MAPK6: variants seen among roughly 807,000 people sequenced by gnomAD.
MAPK6 encodes ERK-3.
In MAPK6, 19 loss-of-function variants were observed where a neutral mutation model predicts 59.3. That is an observed-to-expected ratio of 0.32 (90% CI 0.22 to 0.47). MAPK6 has a LOEUF of 0.47. Ranked by LOEUF, MAPK6 falls within the 20% of genes least tolerant of loss-of-function variation. The probability of loss-of-function intolerance (pLI) is 1.00; values close to 1 mark genes in which losing one functional copy is unlikely to be tolerated. For synonymous variants in MAPK6, 316 were observed against 290.3 expected (o/e 1.09, Z -0.90); for missense variants, 724 against 847.9 (o/e 0.85, Z 1.81).
chr15:52,000,706 T>C (rs756379045), intron 2 of MAPK6, among the ~76,000 whole-genome samples: 1 of 151,206 alleles, frequency 6.6e-6, no homozygotes, highest in Non-Finnish European at 1.5e-5. Context: ...CTGGGGAGGC[T>C]GAGGAAGGGG....
intron 2 of MAPK6, among the ~76,000 whole-genome samples, chr15:51,997,590 C>CTT (rs747963086): frequency 2.5e-4 from 34 of 135,060 alleles, no homozygotes; most frequent in African/African-American, 5.8e-4. Flanking sequence ...TTCTTTCTTT[C>CTT]TTTTTTTTTT....
chr15:51,971,849 C>T (rs1488702734), exon 1 of MAPK6: 7 of 1,243,746 alleles, frequency 5.6e-6, no homozygotes, highest in African/African-American at 2.9e-5. Context: ...TCGCCGAAGA[C>T]ACTCCTTTCC....
At chr15:51,979,250 A>G (rs979967859) in intron 1 of MAPK6, among the ~76,000 whole-genome samples, 2 of 151,438 alleles carry the variant, frequency 1.3e-5, no homozygotes, top group Non-Finnish European at 2.9e-5. Context: ...AAGGAAGGAA[A>G]GAAAGAGAAA....
chr15:51,982,663 T>C (rs2057178118), intron 1 of MAPK6, among the ~76,000 whole-genome samples: 1 of 152,200 alleles, frequency 6.6e-6, no homozygotes, highest in Admixed American at 6.5e-5. Context: ...GCAGTGTTTT[T>C]TCGTGTTTTT....
In MAPK6 at chr15:52,019,286, A is replaced by C. The variant is rs906150757; in HGVS notation, c.-722A>C. 2 of 151,560 alleles carry C rather than the reference A, an allele frequency of 1.3e-5. No individual in the cohort carries two copies. Among genetic ancestry groups the C allele is most frequent in the African/African-American group, 4.9e-5 (2 of 41,180 alleles). The allele number at this position is 151,560 out of a possible 1,614,324, so 9.4% of individuals were successfully genotyped here. A position where few individuals can be genotyped will look rare whatever the true frequency, so the allele number is the denominator to read the frequency against. ...CTGCGGCAAAGCGAGAGCCTCGGAGACGCCGCTGCCGCCAGCACAGCCGGA... is the reference window on the plus strand; with the variant it reads ...CTGCGGCAAAGCGAGAGCCTCGGAGCCGCCGCTGCCGCCAGCACAGCCGGA... On this transcript the variant is annotated 5_prime_UTR_variant, in exon 1 of 6. Coordinates refer to ENST00000261845, the MANE Select transcript of MAPK6 (RefSeq NM_002748.4).
rs946503032 is a variant in MAPK6, at chr15:51,991,323, T to A, written c.-770+8008T>A. ...TACTAATATAACCCGAGGCATCATG[T>A]TGGCAAAAAGACAAACACCTTCACT... is the stretch of plus-strand genomic sequence containing the variant. On this transcript the variant is annotated intron_variant, in intron 2 of 7. Coordinates refer to the MAPK6 transcript ENST00000691380. Among the ~76,000 whole-genome samples, 40 of 152,082 alleles carry A rather than the reference T, an allele frequency of 2.6e-4. 1 individual carries two copies. Among genetic ancestry groups the A allele is most frequent in the African/African-American group, 9.7e-4 (40 of 41,412 alleles).
chr15:52,061,299 C>T lies in MAPK6; in HGVS notation c.866C>T (p.Ala289Val), dbSNP rs2032188193. ...AAAACTTTTACCTTTTCCTCTGCAGCACTGGATTTCCTGGAACAAATTTTG... is the reference window on the plus strand; with the variant it reads ...AAAACTTTTACCTTTTCCTCTGCAGTACTGGATTTCCTGGAACAAATTTTG... ...TQLLPGISRE[A>V]LDFLEQILTF... The change falls in exon 5 of 6, where the codon GCA becomes GTA. Residue 289 changes from alanine (A) to valine (V), a missense_variant and splice_region_variant. Physicochemically the swap from Ala to Val is moderately conservative, Grantham distance 64. Coordinates refer to ENST00000261845, the MANE Select transcript of MAPK6 (RefSeq NM_002748.4). The T allele has an allele frequency of 6.2e-7, 1 of 1,612,918 alleles. No homozygotes were observed. The highest frequency in any genetic ancestry group is 8.5e-7 in the Non-Finnish European group (1 of 1,178,966).
intron 2 of MAPK6, among the ~76,000 whole-genome samples, 178 bp downstream of exon 2, chr15:52,047,193 A>T (rs1413285358): frequency 2.0e-5 from 3 of 152,228 alleles, no homozygotes; most frequent in African/African-American, 7.2e-5. Flanking sequence ...GGATAATTAA[A>T]TACAAATTTC....
intron 1 of MAPK6, among the ~76,000 whole-genome samples, chr15:51,979,722 G>T (rs1022548910): frequency 2.0e-5 from 3 of 151,726 alleles, no homozygotes; most frequent in Non-Finnish European, 4.4e-5. Flanking sequence ...GAGCCTGGGA[G>T]GTCGAGAGTA....
chr15:52,026,461 TTA>T (rs1488539803), intron 1 of MAPK6, among the ~76,000 whole-genome samples: 1 of 152,070 alleles, frequency 6.6e-6, no homozygotes, highest in African/African-American at 2.4e-5. Context: ...CCAGCTAATT[TTA>T]TGTTTTTAGT....
intron 2 of MAPK6, among the ~76,000 whole-genome samples, chr15:52,001,188 A>G (rs2057240909): frequency 1.3e-5 from 2 of 152,304 alleles, no homozygotes; most frequent in South Asian, 2.1e-4. Flanking sequence ...ATGTGAAGAC[A>G]TAGCATTCCT....
At chr15:51,985,620 A>C (rs2057188478) in intron 2 of MAPK6, among the ~76,000 whole-genome samples, 1 of 151,684 alleles carries the variant, frequency 6.6e-6, no homozygotes, top group Admixed American at 6.6e-5. Context: ...GCACCATTGC[A>C]CTCCAACCTG....
chr15:52,053,983 CTCTTT>C (rs1272911078), intron 3 of MAPK6, among the ~76,000 whole-genome samples: 2 of 151,746 alleles, frequency 1.3e-5, no homozygotes, highest in African/African-American at 4.8e-5. Context: ...TTTCTTTTGT[CTCTTT>C]TGTTTTTGGT....
Position 51,980,660 on chromosome 15 carries a change from G to A in MAPK6, c.-879-2546G>A, listed in dbSNP as rs1231542392. On this transcript the variant is annotated intron_variant, in intron 1 of 7. Coordinates refer to the MAPK6 transcript ENST00000691380. ...GACTGGAGTGCAGTGGCAGAATCTT[G>A]GCTCACTGCAACCTCCACCTCCTGG... is the stretch of plus-strand genomic sequence containing the variant. 4.0e-5 allele frequency among the ~76,000 whole-genome samples: 6 copies of A among 150,854 alleles called. 1 individual carries two copies. The highest frequency in any genetic ancestry group is 3.9e-4 in the East Asian group (2 of 5,148).
At chr15:51,988,596 G>A (rs1420827835) in intron 2 of MAPK6, among the ~76,000 whole-genome samples, 1 of 152,010 alleles carries the variant, frequency 6.6e-6, no homozygotes, top group Non-Finnish European at 1.5e-5. Context: ...GCCGGGTGTG[G>A]TGGCAAGCAC....
Position 51,988,453 on chromosome 15 carries a change from G to A in MAPK6, c.-770+5138G>A, listed in dbSNP as rs540412166. On this transcript the variant is annotated intron_variant, in intron 2 of 7. Coordinates refer to the MAPK6 transcript ENST00000691380. Reference sequence around the variant, plus strand: ...GGTGGCTTTAGAGCAACAGAAATGAGCCAGGAGTGGTGGCTCAAGCTTGTA... The same window carrying A: ...GGTGGCTTTAGAGCAACAGAAATGAACCAGGAGTGGTGGCTCAAGCTTGTA... Among the ~76,000 whole-genome samples, 5 of 152,254 alleles carry A rather than the reference G, an allele frequency of 3.3e-5. No homozygotes were observed. The East Asian group carries it at 9.6e-4, about 29-fold the overall frequency.
chr15:52,062,974 C>T (rs925063576), intron 5 of MAPK6, among the ~76,000 whole-genome samples: 1 of 152,118 alleles, frequency 6.6e-6, no homozygotes, highest in Non-Finnish European at 1.5e-5. Flanking sequence ...AAATTTTTTT[C>T]CCCCTCCTCA....
At chr15:51,975,901 T>C (rs1010316445) in intron 1 of MAPK6, among the ~76,000 whole-genome samples, 1 of 151,902 alleles carries the variant, frequency 6.6e-6, no homozygotes, top group Non-Finnish European at 1.5e-5. Context: ...CCTTACTGAA[T>C]TACTGAATTA....
At chr15:52,000,151 G>T (rs2057238046) in intron 2 of MAPK6, among the ~76,000 whole-genome samples, 1 of 151,358 alleles carries the variant, frequency 6.6e-6, no homozygotes, top group African/African-American at 2.4e-5. Context: ...GTTGCCCAGG[G>T]TTGTCTCAAG....
Sources: gnomAD v4.1 joint callset for allele counts (sites outside exome capture counted in the v4.1 genomes callset) on GRCh38, gnomAD v4.1.1 for gene constraint, MANE v1.5 for transcripts, NCBI Gene and HGNC (gene_info 2026-07-23, HGNC 2026-07-21) for gene names.